The following MLXIP variants were observed in gnomAD, a reference collection of about 807,000 sequenced individuals.
The protein encoded by MLXIP is MLX interacting protein, also known as MLX-interacting protein.
A neutral mutation model predicts 87.2 loss-of-function variants in MLXIP; 30 were observed. The observed-to-expected ratio is 0.34, with a 90% CI of 0.26 to 0.47. The LOEUF (loss-of-function observed/expected upper bound fraction) is 0.47. Among genes scored for constraint, MLXIP ranks in the 20% least tolerant of loss-of-function variants. The probability of loss-of-function intolerance (pLI) is 1.00; values close to 1 mark genes in which losing one functional copy is unlikely to be tolerated. For synonymous variants in MLXIP, 530 were observed against 514.0 expected, an observed-to-expected ratio of 1.03 and a Z score of -0.42; for missense variants, 1,002 against 1,240.1, an observed-to-expected ratio of 0.81 and a Z score of 2.88.
chr12:122,079,219 C>T lies in MLXIP; in HGVS notation c.366C>T (p.Ile122=), dbSNP rs1952056063. 2 of 1,551,136 alleles carry T rather than the reference C, an allele frequency of 1.3e-6. No homozygotes were observed. The highest frequency in any genetic ancestry group is 1.4e-5 in the African/African-American group (1 of 73,040). Residue 122 remains isoleucine (I), a synonymous_variant, in exon 1 of 17, where the codon ATC becomes ATT. Coordinates refer to ENST00000319080, the MANE Select transcript of MLXIP (RefSeq NM_014938.6). The part of the protein sequence containing the change: ...FGKTSSCHLS[I]DASLTKLFEC... ...AGACTAGCTCCTGCCACCTGTCCAT[C>T]GACGCCTCGCTCACCAAGCTCTTCG...
intron 9 of MLXIP, 76 bp downstream of exon 9, chr12:122,134,063 A>G (rs911883563): frequency 7.5e-6 from 11 of 1,467,410 alleles, no homozygotes; most frequent in African/African-American, 1.4e-5. Flanking sequence ...AAGGCTTTCA[A>G]ACTTGTGACC....
At chr12:122,130,729 C>A in intron 6 of MLXIP, 115 bp from the exon 7 acceptor site, 1 of 741,094 alleles carries the variant, frequency 1.3e-6, no homozygotes, top group Non-Finnish European at 2.4e-6. Context: ...CAGCCAGCTC[C>A]TTGGAAGACT....
At chr12:122,090,183 A>C (rs567358188) in intron 1 of MLXIP, among the ~76,000 whole-genome samples, 1 of 152,318 alleles carries the variant, frequency 6.6e-6, no homozygotes, top group South Asian at 2.1e-4. Context: ...GAATCTCAGA[A>C]ACATTATGTT....
intron 1 of MLXIP, among the ~76,000 whole-genome samples, chr12:122,082,475 A>G (rs1481336749): frequency 6.6e-6 from 1 of 152,184 alleles, no homozygotes; most frequent in Non-Finnish European, 1.5e-5. Context: ...AACCTCTGGG[A>G]ATGGAGCTGG....
intron 7 of MLXIP, 51 bp downstream of exon 7, chr12:122,130,984 A>G (rs780909280): frequency 4.9e-5 from 59 of 1,200,406 alleles, no homozygotes; most frequent in Non-Finnish European, 6.8e-5. Context: ...CCCCCAGCCC[A>G]GCACAGAGCA....
At chr12:122,121,038 TCTCA>T (rs1952775498) in intron 1 of MLXIP, among the ~76,000 whole-genome samples, 1 of 79,084 alleles carries the variant, frequency 1.3e-5, no homozygotes, top group Non-Finnish European at 2.6e-5. Flanking sequence ...TGAAACGGTG[TCTCA>T]CTCTGTCGCC....
In MLXIP at chr12:122,115,345, T is replaced by C. The variant is rs534592331; in HGVS notation, c.414-11911T>C. On this transcript the variant is annotated intron_variant, in intron 1 of 16. Coordinates refer to ENST00000319080, the MANE Select transcript of MLXIP (RefSeq NM_014938.6). Reference sequence around the variant, plus strand: ...TCTCACGCCTATAATCCCAGCACTTTGGGAGGCCGAGGCAGGTGGATCACC... The same window carrying C: ...TCTCACGCCTATAATCCCAGCACTTCGGGAGGCCGAGGCAGGTGGATCACC... 2.0e-3 allele frequency among the ~76,000 whole-genome samples: 299 copies of C among 151,910 alleles called. 1 individual carries two copies. The highest frequency in any genetic ancestry group is 6.9e-3 in the African/African-American group (285 of 41,464).
intron 3 of MLXIP, chr12:122,128,774 TG>T: frequency 5.0e-6 from 1 of 198,776 alleles, no homozygotes. Context: ...GCCCTTTGAA[TG>T]TGGCAGAGGC....
intron 1 of MLXIP, among the ~76,000 whole-genome samples, chr12:122,081,581 G>T (rs1952091577): frequency 6.6e-6 from 1 of 152,176 alleles, no homozygotes; most frequent in Non-Finnish European, 1.5e-5. Context: ...CCAGCACTTT[G>T]GGAGGCCGAG....
At chr12:122,113,779 G>C (rs976465214) in intron 1 of MLXIP, among the ~76,000 whole-genome samples, 3 of 139,240 alleles carry the variant, frequency 2.2e-5, no homozygotes, top group African/African-American at 5.5e-5. Context: ...CCGCCTCCCA[G>C]GTTCATGCCA....
In MLXIP at chr12:122,135,850, G is replaced by T; in HGVS notation, c.2032+184G>T. 1.3e-6 allele frequency: 1 copy of T among 767,358 alleles called. No homozygotes were observed. Among genetic ancestry groups the T allele is most frequent in the East Asian group, 3.1e-5 (1 of 32,138 alleles). 47.5% of individuals were successfully genotyped at this position (767,358 alleles called of 1,614,324 possible). Reference sequence around the variant, plus strand: ...CGCTCTGTGGGTGGCAGGATGAAATGTGGTGGCACTGGCAGGGCAAAAAGT... The same window carrying T: ...CGCTCTGTGGGTGGCAGGATGAAATTTGGTGGCACTGGCAGGGCAAAAAGT... On this transcript the variant is annotated intron_variant, in intron 11 of 16. Coordinates refer to ENST00000319080, the MANE Select transcript of MLXIP (RefSeq NM_014938.6). The surrounding 1 kb of genome is among the most constrained non-coding windows in gnomAD (Gnocchi z 5.3).
At chr12:122,091,115 T>C (rs981177026) in intron 1 of MLXIP, among the ~76,000 whole-genome samples, 1 of 152,182 alleles carries the variant, frequency 6.6e-6, no homozygotes, top group Non-Finnish European at 1.5e-5. Context: ...GTAAATTATG[T>C]CTCAATAAGC....
At chr12:122,107,127 A>C (rs750870604) in intron 1 of MLXIP, among the ~76,000 whole-genome samples, 4 of 152,122 alleles carry the variant, frequency 2.6e-5, no homozygotes, top group Non-Finnish European at 4.4e-5. Flanking sequence ...GAGGCACTTG[A>C]TAAGGGTCAC....
intron 1 of MLXIP, among the ~76,000 whole-genome samples, chr12:122,081,830 T>G (rs1325437729): frequency 6.6e-6 from 1 of 152,140 alleles, no homozygotes; most frequent in Non-Finnish European, 1.5e-5. Context: ...TCCTCTTCTG[T>G]GTGACTGTTT....
chr12:122,087,695 G>A (rs2135898358), intron 1 of MLXIP, among the ~76,000 whole-genome samples: 1 of 152,302 alleles, frequency 6.6e-6, no homozygotes, highest in Non-Finnish European at 1.5e-5. Flanking sequence ...TGGTGGCACT[G>A]GGGAGTACTG....
intron 1 of MLXIP, among the ~76,000 whole-genome samples, chr12:122,106,595 C>CTTTTTTTT (rs1162475087): frequency 4.8e-5 from 3 of 62,884 alleles, no homozygotes; most frequent in Non-Finnish European, 8.7e-5. Context: ...ATCGCAGGTT[C>CTTTTTTTT]TTTTTTTTTT....
chr12:122,128,211 A>G (rs1952913398), intron 3 of MLXIP: 1 of 466,622 alleles, frequency 2.1e-6, no homozygotes, highest in South Asian at 2.2e-5. Context: ...TCTTTCTGTT[A>G]ATTTTTAAAG....
At chr12:122,123,347 T>G (rs1222424187) in intron 1 of MLXIP, among the ~76,000 whole-genome samples, 1 of 152,112 alleles carries the variant, frequency 6.6e-6, no homozygotes, top group Non-Finnish European at 1.5e-5. Context: ...GGATTTTGAG[T>G]TGGACGCCCT....
intron 1 of MLXIP, among the ~76,000 whole-genome samples, chr12:122,102,584 T>C (rs1169411298): frequency 6.6e-6 from 1 of 152,216 alleles, no homozygotes; most frequent in African/African-American, 2.4e-5. Context: ...AATGAAAATA[T>C]AGTTCCTACA....
Sources: allele counts gnomAD v4.1 joint callset (sites outside exome capture counted in the v4.1 genomes callset), GRCh38; gene constraint gnomAD v4.1.1; non-coding constraint Gnocchi (gnomAD v3.1); transcripts MANE v1.5; gene names NCBI Gene and HGNC (gene_info 2026-07-23, HGNC 2026-07-21).